The following PKD1L1 variants were observed in gnomAD, a reference collection of about 807,000 sequenced individuals.
PKD1L1 encodes the protein polycystin 1 like 1, transient receptor potential channel interacting, also known as polycystin-1-like protein 1.
PKD1L1 carries 236 observed loss-of-function variants against 323.4 expected under a neutral mutation model. The ratio of observed to expected loss-of-function variants is 0.73; its 90% CI spans 0.66 to 0.81. PKD1L1 has a LOEUF of 0.81. Among genes scored for constraint, PKD1L1 ranks in the 40% least tolerant of loss-of-function variants. The pLI is 0.00. For synonymous variants in PKD1L1, 1,344 were observed against 1,335.0 expected (o/e 1.01, Z -0.15); for missense variants, 3,320 against 3,508.0 (o/e 0.95, Z 1.35).
At chr7:47,819,769 C>A in intron 46 of PKD1L1, 1 of 317,002 alleles carries the variant, frequency 3.2e-6, no homozygotes, top group South Asian at 2.5e-5. Context: ...ATCCATTAGC[C>A]ATTATCTTGC....
chr7:47,848,851 CA>C (rs1785720369), intron 31 of PKD1L1, among the ~76,000 whole-genome samples: 1 of 151,988 alleles, frequency 6.6e-6, no homozygotes, highest in South Asian at 2.1e-4. Flanking sequence ...CAGAACTAGA[CA>C]AAACAATCCT....
intron 13 of PKD1L1, among the ~76,000 whole-genome samples, chr7:47,899,239 C>A (rs1323104155): frequency 6.6e-6 from 1 of 152,216 alleles, no homozygotes; most frequent in Non-Finnish European, 1.5e-5. Context: ...CTGGCTCTGG[C>A]AACCTTCTGG....
At chr7:47,880,344 C>T (rs112480669) in intron 21 of PKD1L1, among the ~76,000 whole-genome samples, 31,369 of 113,404 alleles carry the variant, frequency 0.28, 6,200 homozygotes, top group African/African-American at 0.47. Context: ...TTCAGTGGCG[C>T]GATCTTGGCT....
intron 45 of PKD1L1, among the ~76,000 whole-genome samples, chr7:47,823,140 T>C (rs7780916): frequency 0.15 from 22,842 of 152,180 alleles, 2,064 homozygotes; most frequent in African/African-American, 0.24. Context: ...TTGCCTTGTT[T>C]GATATCTTAA....
rs141231234 is a variant in PKD1L1, at chr7:47,827,353, A to T, written c.6851T>A (p.Leu2284Gln). 40 of 1,609,430 alleles carry T rather than the reference A, an allele frequency of 2.5e-5. No individual in the cohort carries two copies. In the African/African-American group the frequency reaches 5.1e-4, roughly 20 times the overall value. ...MRRESRTRAALRDISMDILML... is the reference protein window; with the variant it reads ...MRRESRTRAAQRDISMDILML... ...CCCGACAGAAGCCGCCACCCACCTCAGGGCAGCCCGTGTGCGACTCTCTCT... is the reference window on the plus strand; with the variant it reads ...CCCGACAGAAGCCGCCACCCACCTCTGGGCAGCCCGTGTGCGACTCTCTCT... Residue 2284 changes from leucine (L) to glutamine (Q), a missense_variant, in exon 45 of 57, where the codon CTG becomes CAG. Transcript: ENST00000289672.
rs565324216 is a variant in PKD1L1 at position 47,873,582 on chromosome 7, G to T, written c.3896+317C>A. On this transcript the variant is annotated intron_variant, in intron 24 of 56. Coordinates refer to ENST00000289672, the MANE Select transcript of PKD1L1 (RefSeq NM_138295.5). ...GAATCACTTGAACCCGGGAGGTGGA[G>T]GTTGCAAGTGAGCCGAGATTGTGCC... 9.1e-4 allele frequency among the ~76,000 whole-genome samples: 136 copies of T among 148,996 alleles called. 1 individual carries two copies. The highest frequency in any genetic ancestry group is 3.2e-3 in the African/African-American group (129 of 40,332).
intron 56 of PKD1L1, among the ~76,000 whole-genome samples, chr7:47,788,376 C>T (rs1786859477): frequency 6.7e-6 from 1 of 150,192 alleles, no homozygotes; most frequent in African/African-American, 2.4e-5. Flanking sequence ...CTGCAACCTC[C>T]ACCTTCCAGG....
chr7:47,894,176 C>T, intron 14 of PKD1L1, 117 bp from the exon 15 acceptor site: 1 of 892,550 alleles, frequency 1.1e-6, no homozygotes, highest in Non-Finnish European at 1.7e-6. Context: ...GCATCCCTGG[C>T]TCCAACTAAA....
intron 8 of PKD1L1, among the ~76,000 whole-genome samples, chr7:47,912,579 G>A (rs536496815): frequency 1.3e-5 from 2 of 152,196 alleles, no homozygotes; most frequent in South Asian, 4.2e-4. Flanking sequence ...ACTTTGGGAG[G>A]CTGAGGCGGG....
chr7:47,814,062 A>C (rs1479684625), intron 47 of PKD1L1, 48 bp from the exon 48 acceptor site: 1 of 1,510,820 alleles, frequency 6.6e-7, no homozygotes, highest in Non-Finnish European at 9.2e-7. Context: ...TGTGGACTTC[A>C]AACCTCCTCA....
chr7:47,890,663 C>T lies in PKD1L1; in HGVS notation c.2554G>A (p.Glu852Lys), dbSNP rs1186458770. The T allele has an allele frequency of 6.2e-7, 1 of 1,613,956 alleles. No individual in the cohort carries two copies. Among genetic ancestry groups the T allele is most frequent in the African/African-American group, 1.3e-5 (1 of 74,878 alleles). Residue 852 changes from glutamate to lysine, a missense_variant, in exon 16 of 57, where the codon GAG (glutamate) becomes AAG (lysine). Physicochemically the swap from Glu to Lys is moderately conservative, Grantham distance 56 (BLOSUM62 1). Transcript: ENST00000289672. ...LDAAAPTVSF[E>K]AQWLSDSYDQ... ...TAGCTGTCACTGAGCCATTGTGCCT[C>T]AAAGGAAACAGTGGGAGCCGCGGCA...
At chr7:47,934,171 G>A (rs956080568) in intron 4 of PKD1L1, among the ~76,000 whole-genome samples, 4 of 152,312 alleles carry the variant, frequency 2.6e-5, no homozygotes, top group Admixed American at 1.3e-4. Context: ...CTGTGTGCCC[G>A]CAGCTCTGGC....
chr7:47,869,296 C>T (rs1786231016), intron 24 of PKD1L1, among the ~76,000 whole-genome samples: 1 of 152,088 alleles, frequency 6.6e-6, no homozygotes. Flanking sequence ...GAATAGATTA[C>T]ATGATTCAAC....
intron 53 of PKD1L1, among the ~76,000 whole-genome samples, chr7:47,802,746 T>G (rs951246924): frequency 1.3e-5 from 2 of 152,214 alleles, no homozygotes; most frequent in African/African-American, 4.8e-5. Context: ...AGCTTCACCC[T>G]CCAGACCAGA....
intron 3 of PKD1L1, among the ~76,000 whole-genome samples, chr7:47,938,508 C>G (rs955624506): frequency 2.0e-5 from 3 of 152,214 alleles, no homozygotes; most frequent in Non-Finnish European, 4.4e-5. Context: ...ATGGGAGACA[C>G]AGGGCTTTGC....
At chr7:47,833,383 C>T (rs891115470) in intron 40 of PKD1L1, 131 bp from the exon 41 acceptor site, 2 of 987,658 alleles carry the variant, frequency 2.0e-6, no homozygotes, top group African/African-American at 3.3e-5. Flanking sequence ...GTGCTGAGGC[C>T]TCTAAAGACT....
intron 48 of PKD1L1, 47 bp from the exon 49 acceptor site, chr7:47,813,340 G>T: frequency 6.2e-7 from 1 of 1,602,698 alleles, no homozygotes; most frequent in Non-Finnish European, 8.5e-7. Context: ...TATTCCCAAG[G>T]CTACCCTGCA....
chr7:47,809,284 C>T lies in PKD1L1; in HGVS notation c.7686+189G>A, dbSNP rs192826428. 192 of 531,736 alleles carry T rather than the reference C, an allele frequency of 3.6e-4. No homozygotes were observed. In the East Asian group the frequency reaches 5.6e-3, roughly 16 times the overall value. 32.9% of individuals were successfully genotyped at this position (531,736 alleles called of 1,614,324 possible). A position where few individuals can be genotyped will look rare whatever the true frequency, so the allele number is the denominator to read the frequency against. On this transcript the variant is annotated intron_variant, in intron 51 of 56. Coordinates refer to ENST00000289672, the MANE Select transcript of PKD1L1 (RefSeq NM_138295.5). ...TGGCTGAAATTCGTGTGGTACATGA[C>T]GGTAACTGTAACAACACTAAATGAT...
At chr7:47,830,158 T>A (rs1391600598) in intron 42 of PKD1L1, 34 bp from the exon 43 acceptor site, 1 of 1,581,000 alleles carries the variant, frequency 6.3e-7, no homozygotes, top group Non-Finnish European at 8.7e-7. Flanking sequence ...GTCAGCCCCC[T>A]CTAAGGGAGC....
Sources: allele counts gnomAD v4.1 joint callset (sites outside exome capture counted in the v4.1 genomes callset), GRCh38; gene constraint gnomAD v4.1.1; transcripts MANE v1.5; gene names NCBI Gene and HGNC (gene_info 2026-07-23, HGNC 2026-07-21).